Variants in CNTLN observed in about 807,000 individuals in gnomAD.
CNTLN encodes centlein.
A neutral mutation model predicts 180.0 loss-of-function variants in CNTLN; 212 were observed. That is an observed-to-expected ratio of 1.18 (90% confidence interval 1.05 to 1.32). The LOEUF is 1.32. Ranked by LOEUF, CNTLN falls within the 40% of genes most tolerant of loss-of-function variation. The probability of loss-of-function intolerance (pLI) is 0.00; values close to 1 mark genes in which losing one functional copy is unlikely to be tolerated. For synonymous variants in CNTLN, 722 were observed against 563.1 expected (o/e 1.28, Z -3.99); for missense variants, 2,095 against 1,610.9 (o/e 1.30, Z -5.14).
chr9:17,214,354 A>C (rs200973535), intron 2 of CNTLN, among the ~76,000 whole-genome samples: 92 of 152,110 alleles, frequency 6.0e-4, no homozygotes, highest in African/African-American at 2.1e-3. Context: ...GTTGAAAATT[A>C]TTTTCTTTAA....
At chr9:17,391,540 G>A (rs1405678494) in intron 14 of CNTLN, among the ~76,000 whole-genome samples, 1 of 151,982 alleles carries the variant, frequency 6.6e-6, no homozygotes, top group Non-Finnish European at 1.5e-5. Context: ...GAGCCCCAAC[G>A]TATGTAAAAT....
intron 13 of CNTLN, among the ~76,000 whole-genome samples, chr9:17,372,902 A>G (rs1354921822): frequency 6.6e-6 from 1 of 152,240 alleles, no homozygotes; most frequent in Non-Finnish European, 1.5e-5. Flanking sequence ...CTTAGTCCTG[A>G]AAAAGCATTC....
At chr9:17,291,296 G>A (rs1340278490) in intron 6 of CNTLN, among the ~76,000 whole-genome samples, 3 of 152,110 alleles carry the variant, frequency 2.0e-5, no homozygotes, top group Non-Finnish European at 4.4e-5. Context: ...TTTTTGGGTG[G>A]AGAGTTCTGT....
chr9:17,401,528 T>C (rs1401821283), intron 15 of CNTLN, among the ~76,000 whole-genome samples: 1 of 151,836 alleles, frequency 6.6e-6, no homozygotes, highest in South Asian at 2.1e-4. Flanking sequence ...CGTGCTACCG[T>C]GCCTGGCTAA....
intron 13 of CNTLN, among the ~76,000 whole-genome samples, chr9:17,369,199 C>T (rs951110997): frequency 6.6e-6 from 1 of 152,050 alleles, no homozygotes; most frequent in Non-Finnish European, 1.5e-5. Context: ...GGGGCTTTTT[C>T]CCCGTTCGCT....
In CNTLN at chr9:17,146,490, A is replaced by T. The variant is rs187831301; in HGVS notation, c.449+3114A>T. Among the ~76,000 whole-genome samples the T allele has an allele frequency of 5.1e-3, 772 of 152,304 alleles. 5 individuals carry two copies. Among genetic ancestry groups the T allele is most frequent in the Admixed American group, 8.0e-3 (122 of 15,300 alleles). ...GAGGCCTTTTGGAAGTGATTACATC[A>T]TGAGGGCTCGGCCCTCATAAATGGG... On this transcript the variant is annotated intron_variant, in intron 2 of 25. Transcript: ENST00000380647.
intron 6 of CNTLN, among the ~76,000 whole-genome samples, chr9:17,294,675 C>G (rs531371843): frequency 5.9e-4 from 87 of 148,068 alleles, no homozygotes; most frequent in Non-Finnish European, 1.1e-3. Context: ...CCCGTGCCCT[C>G]CACCAGCACT....
chr9:17,158,969 C>G (rs1942771806), intron 2 of CNTLN, among the ~76,000 whole-genome samples: 1 of 151,946 alleles, frequency 6.6e-6, no homozygotes, highest in African/African-American at 2.4e-5. Flanking sequence ...TTGATATAGG[C>G]ATTTATAGTT....
At chr9:17,400,579 T>C (rs1437935559) in intron 15 of CNTLN, among the ~76,000 whole-genome samples, 1 of 152,164 alleles carries the variant, frequency 6.6e-6, no homozygotes, top group Non-Finnish European at 1.5e-5. Flanking sequence ...TTCAATTTCA[T>C]TATCCATAAA....
chr9:17,376,243 C>G (rs969120144), intron 13 of CNTLN, among the ~76,000 whole-genome samples: 13 of 152,068 alleles, frequency 8.5e-5, no homozygotes, highest in African/African-American at 3.1e-4. Context: ...TTCTTAATAA[C>G]TAGGGTTTGC....
At chr9:17,226,077 G>GC (rs1471100008) in intron 2 of CNTLN, 126 bp from the exon 3 acceptor site, 2 of 471,660 alleles carry the variant, frequency 4.2e-6, no homozygotes, top group African/African-American at 2.1e-5. Flanking sequence ...GCTGTCACTT[G>GC]CCATGTGGTC....
At chr9:17,294,631 C>T (rs186757876) in intron 6 of CNTLN, among the ~76,000 whole-genome samples, 1,521 of 149,976 alleles carry the variant, frequency 0.01, 25 homozygotes, top group African/African-American at 0.034. Context: ...CAGTGTATCC[C>T]GCACAGGGGC....
chr9:17,467,411 C>T (rs976592930), intron 23 of CNTLN, among the ~76,000 whole-genome samples: 4 of 151,582 alleles, frequency 2.6e-5, no homozygotes, highest in Non-Finnish European at 4.4e-5. Context: ...CCCTAGAAAG[C>T]CTTCATTCCC....
At chr9:17,338,315 C>T (rs1016981586) in intron 10 of CNTLN, among the ~76,000 whole-genome samples, 2 of 146,962 alleles carry the variant, frequency 1.4e-5, no homozygotes, top group Admixed American at 1.4e-4. Context: ...CAGGCACCTG[C>T]TATCACTCCT....
chr9:17,416,155 A>G lies in CNTLN; in HGVS notation c.3080A>G (p.Asp1027Gly). 1 of 1,613,494 alleles carries G rather than the reference A, an allele frequency of 6.2e-7. No homozygotes were observed. Among genetic ancestry groups the G allele is most frequent in the East Asian group, 2.2e-5 (1 of 44,786 alleles). ...CTCCTCCATCAACAGCAAGTATCCG[A>G]TCAACGATTTCAGACAAGCAGGCAG... ...EKLLHQQQVS[D>G]QRFQTSRQTI... The change falls in exon 18 of 26, where the codon GAT (aspartate) becomes GGT (glycine). Residue 1027 changes from aspartate (D) to glycine (G), a missense_variant. Physicochemically the swap from Asp to Gly is moderately conservative, Grantham distance 94. Transcript: ENST00000380647.
At chr9:17,412,201 C>A (rs1827899343) in intron 16 of CNTLN, among the ~76,000 whole-genome samples, 1 of 152,196 alleles carries the variant, frequency 6.6e-6, no homozygotes, top group Non-Finnish European at 1.5e-5. Flanking sequence ...ATTTCCACTT[C>A]CAACTGGCAG....
the CNTLN span, among the ~76,000 whole-genome samples, chr9:17,510,638 G>C: frequency 1.3e-5 from 2 of 152,170 alleles, no homozygotes; most frequent in African/African-American, 4.8e-5. Flanking sequence ...TTTGCCTTTG[G>C]ACTTGAATTA....
chr9:17,473,607 C>CGA (rs1832158183), intron 23 of CNTLN, among the ~76,000 whole-genome samples: 3 of 145,652 alleles, frequency 2.1e-5, no homozygotes, highest in Admixed American at 6.7e-5. Context: ...AAAAAAAAAA[C>CGA]AAAACAAAAA....
intron 1 of CNTLN, among the ~76,000 whole-genome samples, chr9:17,137,115 G>C (rs1817771776): frequency 6.6e-6 from 1 of 152,194 alleles, no homozygotes; most frequent in African/African-American, 2.4e-5. Context: ...TCCAAACATG[G>C]TGTTGGCTTT....
Sources: gnomAD v4.1 joint callset for allele counts (sites outside exome capture counted in the v4.1 genomes callset) on GRCh38, gnomAD v4.1.1 for gene constraint, MANE v1.5 for transcripts, NCBI Gene and HGNC (gene_info 2026-07-23, HGNC 2026-07-21) for gene names.